EFHB: variants seen among roughly 807,000 people sequenced by gnomAD.
EFHB encodes the protein EF-hand domain family member B.
A neutral mutation model predicts 87.2 loss-of-function variants in EFHB; 91 were observed. The ratio of observed to expected loss-of-function variants is 1.04; its 90% CI spans 0.88 to 1.24. The LOEUF (loss-of-function observed/expected upper bound fraction) is 1.24, where lower values mean the gene tolerates loss of function less well. EFHB is among the 50% of genes most tolerant of loss of function. EFHB has a pLI of 0.00. For missense variants in EFHB, 1,084 were observed against 998.8 expected (o/e 1.09, Z -1.15); for synonymous variants, 325 against 333.6 (o/e 0.97, Z 0.28).
intron 1 of EFHB, among the ~76,000 whole-genome samples, chr3:19,943,516 A>G (rs1385573433): frequency 6.6e-6 from 1 of 152,210 alleles, no homozygotes; most frequent in East Asian, 1.9e-4. Flanking sequence ...TGTTGGGAAT[A>G]CAGTTAGCCC....
chr3:19,895,067 AT>A (rs1250427927), intron 9 of EFHB: 6 of 147,900 alleles, frequency 4.1e-5, no homozygotes, highest in African/African-American at 1.5e-4. Flanking sequence ...TAATATATAA[AT>A]ATATACATAA....
Position 19,915,290 on chromosome 3 carries a change from G to A in EFHB, c.1288+13C>T, listed in dbSNP as rs758849936. Reference sequence around the variant, plus strand: ...CATATCCTCAGGCCCATTTTGCATCGGAGGACACTTACCTGCATAATAATC... The same window carrying A: ...CATATCCTCAGGCCCATTTTGCATCAGAGGACACTTACCTGCATAATAATC... On this transcript the variant is annotated intron_variant, in intron 5 of 12. Coordinates refer to ENST00000295824, the MANE Select transcript of EFHB (RefSeq NM_144715.4). 4.4e-6 allele frequency: 7 copies of A among 1,576,820 alleles called. No homozygotes were observed. Among genetic ancestry groups the A allele is most frequent in the South Asian group, 2.3e-5 (2 of 88,850 alleles).
intron 11 of EFHB, among the ~76,000 whole-genome samples, chr3:19,883,604 C>T (rs1194198389): frequency 6.6e-6 from 1 of 152,164 alleles, no homozygotes; most frequent in Non-Finnish European, 1.5e-5. Flanking sequence ...GTCCTAACCT[C>T]CACTAACTCA....
Position 19,888,477 on chromosome 3 carries a change from GA to G in EFHB, c.1899del (p.Glu636SerfsTer16). Reference protein sequence around the residue: ...ANFLNWKDKMLLKEYEERVII... With the variant: ...ANFLNWKDKMXLKEYEERVII... ...ATGACCCTCTCTTCATACTCTTTAA[GA>G]AGCATTTTGTCTTTCCAGTTAAGAA... On this transcript the variant is annotated frameshift_variant, in exon 10 of 13. Transcript: ENST00000295824. LOFTEE classifies it high-confidence loss of function. The G allele has an allele frequency of 6.4e-7, 1 of 1,565,846 alleles. No individual in the cohort carries two copies. The highest frequency in any genetic ancestry group is 2.3e-5 in the East Asian group (1 of 43,122).
At chr3:19,893,309 T>C (rs545263021) in intron 9 of EFHB, among the ~76,000 whole-genome samples, 2 of 152,182 alleles carry the variant, frequency 1.3e-5, no homozygotes, top group Non-Finnish European at 2.9e-5. Flanking sequence ...AGGGATTTCT[T>C]AGAAAAGTTC....
Position 19,882,682 on chromosome 3 carries a change from G to T in EFHB, c.2196C>A (p.Pro732=). ...TTCTGTCACTGATGCGACGAATTCG[G>T]GGAGCAGGAATGTCAGATCGAATGG... The part of the protein sequence containing the change: ...VPTIRSDIPA[P]RIRRISDRTN... The change falls in exon 12 of 13, where the codon CCC becomes CCA. Residue 732 remains proline, a synonymous_variant. Transcript: ENST00000295824. The T allele has an allele frequency of 6.2e-7, 1 of 1,613,762 alleles. No individual in the cohort carries two copies. Among genetic ancestry groups the T allele is most frequent in the Non-Finnish European group, 8.5e-7 (1 of 1,179,774 alleles).
intron 1 of EFHB, among the ~76,000 whole-genome samples, chr3:19,924,476 T>C (rs938941022): frequency 6.6e-6 from 1 of 152,140 alleles, no homozygotes; most frequent in African/African-American, 2.4e-5. Context: ...CCTCCCAAAG[T>C]GCTGGGATTA....
intron 9 of EFHB, among the ~76,000 whole-genome samples, chr3:19,893,377 A>T (rs1694370694): frequency 6.6e-6 from 1 of 152,156 alleles, no homozygotes; most frequent in African/African-American, 2.4e-5. Context: ...GTTCTAGGTG[A>T]AAATAGGAGG....
At chr3:19,939,477 C>G (rs987834074) in intron 1 of EFHB, among the ~76,000 whole-genome samples, 1 of 148,260 alleles carries the variant, frequency 6.7e-6, no homozygotes, top group Non-Finnish European at 1.5e-5. Context: ...CTCCGCCTCC[C>G]GGGTTCACGC....
intron 6 of EFHB, among the ~76,000 whole-genome samples, chr3:19,899,953 G>A (rs1200303643): frequency 6.6e-6 from 1 of 152,028 alleles, no homozygotes; most frequent in African/African-American, 2.4e-5. Context: ...TGTACCTGTA[G>A]TCCCAGCTAC....
intron 1 of EFHB, among the ~76,000 whole-genome samples, chr3:19,923,046 T>A (rs1695491581): frequency 6.6e-6 from 1 of 152,104 alleles, no homozygotes; most frequent in East Asian, 1.9e-4. Flanking sequence ...GGCGGGCGGA[T>A]CACAAGGTCA....
chr3:19,925,293 C>T lies in EFHB; in HGVS notation c.790-4726G>A, dbSNP rs114528255. Among the ~76,000 whole-genome samples the T allele has an allele frequency of 7.8e-3, 1,188 of 151,530 alleles. 9 individuals are homozygous for T. Among genetic ancestry groups the T allele is most frequent in the Non-Finnish European group, 0.013 (851 of 67,890 alleles). On this transcript the variant is annotated intron_variant, in intron 1 of 12. Coordinates refer to ENST00000295824, the MANE Select transcript of EFHB (RefSeq NM_144715.4). The stretch of plus-strand genomic sequence containing the variant: ...AGGAAATGTATGAATAGACAAACAC[C>T]CCCGCACACTTGCATGTATATTGAT...
At position 19,884,269 on chromosome 3, in the gene EFHB, G is replaced by A. The variant is rs1304439965; in HGVS notation, c.2146+134C>T. 1.7e-5 allele frequency: 14 copies of A among 811,438 alleles called. No individual in the cohort carries two copies. In the East Asian group the frequency reaches 3.8e-4, roughly 22 times the overall value. 50.3% of individuals were successfully genotyped at this position (811,438 alleles called of 1,614,324 possible). On this transcript the variant is annotated intron_variant, in intron 11 of 12. Coordinates refer to ENST00000295824, the MANE Select transcript of EFHB (RefSeq NM_144715.4). Reference sequence around the variant, plus strand: ...TATGTGGGCCTCTCCTCCCCAGGTGGTTAGAATATGAATTAAATGCAAGGT... The same window carrying A: ...TATGTGGGCCTCTCCTCCCCAGGTGATTAGAATATGAATTAAATGCAAGGT...
upstream of EFHB, among the ~76,000 whole-genome samples, chr3:19,937,255 A>G (rs530583647): frequency 7.2e-5 from 11 of 152,274 alleles, no homozygotes; most frequent in African/African-American, 2.6e-4. Context: ...ATGGTGCCAA[A>G]TTTAAATAGT....
chr3:19,901,038 A>T (rs1280915992), intron 6 of EFHB, among the ~76,000 whole-genome samples: 1 of 152,316 alleles, frequency 6.6e-6, no homozygotes, highest in Non-Finnish European at 1.5e-5. Context: ...GGGTAATTAA[A>T]TTCTGTCACA....
chr3:19,896,300 T>A (rs2125128136), intron 9 of EFHB, among the ~76,000 whole-genome samples: 1 of 152,306 alleles, frequency 6.6e-6, no homozygotes, highest in South Asian at 2.1e-4. Flanking sequence ...CTCAGTATTT[T>A]CTGAAATGGG....
chr3:19,886,001 T>C (rs1008819702), intron 10 of EFHB, among the ~76,000 whole-genome samples: 1 of 152,206 alleles, frequency 6.6e-6, no homozygotes, highest in Admixed American at 6.5e-5. Context: ...TGACAGTTTC[T>C]ACCCTAAAAT....
Position 19,933,981 on chromosome 3 carries a change from TC to T in EFHB, c.37del (p.Asp13MetfsTer3). 3 of 1,611,168 alleles carry T rather than the reference TC, an allele frequency of 1.9e-6. No individual in the cohort carries two copies. Among genetic ancestry groups the T allele is most frequent in the Non-Finnish European group, 1.7e-6 (2 of 1,178,430 alleles). On this transcript the variant is annotated frameshift_variant, in exon 1 of 13. Coordinates refer to ENST00000295824, the MANE Select transcript of EFHB (RefSeq NM_144715.4). LOFTEE classifies it high-confidence loss of function. ...GATGACCCTCTTGTCTCCTAAATCATCCTTTCCTTCGTGGGGATGTCCAATC... is the reference window on the plus strand; with the variant it reads ...GATGACCCTCTTGTCTCCTAAATCATCTTTCCTTCGTGGGGATGTCCAATC... ...MEIGHPHEGK[D>X]DLGDKRVIMG...
chr3:19,908,580 G>GAAAGAGAGAA (rs1276786105), intron 5 of EFHB, among the ~76,000 whole-genome samples: 10 of 117,780 alleles, frequency 8.5e-5, no homozygotes, highest in Non-Finnish European at 1.5e-4. Context: ...GAGAGAGAGA[G>GAAAGAGAGAA]AGAGAGAGAG....
Sources: gnomAD v4.1 joint callset for allele counts (sites outside exome capture counted in the v4.1 genomes callset) on GRCh38, gnomAD v4.1.1 for gene constraint, MANE v1.5 for transcripts, NCBI Gene and HGNC (gene_info 2026-07-23, HGNC 2026-07-21) for gene names.